Variants in KIF1B observed in about 807,000 individuals in gnomAD.
KIF1B encodes kinesin family member 1B, also known as kinesin-like protein KIF1B.
In KIF1B, 76 loss-of-function variants were observed where a neutral mutation model predicts 241.9. The ratio of observed to expected loss-of-function variants is 0.31; its 90% CI spans 0.26 to 0.38. KIF1B has a LOEUF of 0.38. Among genes scored for constraint, KIF1B ranks in the 10% least tolerant of loss-of-function variants. The pLI is 1.00. For missense variants in KIF1B, 1,622 were observed against 2,271.4 expected, an observed-to-expected ratio of 0.71 and a Z score of 5.81; for synonymous variants, 750 against 796.7, an observed-to-expected ratio of 0.94 and a Z score of 0.99.
At chr1:10,328,184 A>G (rs1651791725) in intron 27 of KIF1B, among the ~76,000 whole-genome samples, 1 of 152,128 alleles carries the variant, frequency 6.6e-6, no homozygotes, top group Non-Finnish European at 1.5e-5. Flanking sequence ...GCAAGACCCC[A>G]AGTCTACCAA....
Position 10,352,627 on chromosome 1 carries a change from T to G in KIF1B, c.3950-4T>G. 1.2e-6 allele frequency: 2 copies of G among 1,610,968 alleles called. No individual in the cohort carries two copies. The highest frequency in any genetic ancestry group is 1.1e-5 in the South Asian group (1 of 91,012). On this transcript the variant is annotated splice_region_variant and splice_polypyrimidine_tract_variant and intron_variant, in intron 37 of 48. Transcript: ENST00000676179. ...TGCTCTGTTTTTTTTATCCTTTCTT[T>G]TAGGTCGTATTCGGAATAAGCCTGA...
intron 22 of KIF1B, among the ~76,000 whole-genome samples, chr1:10,319,692 T>C (rs1398416880): frequency 6.6e-6 from 1 of 152,216 alleles, no homozygotes; most frequent in Non-Finnish European, 1.5e-5. Flanking sequence ...ATATAAGATA[T>C]TACTTGAATA....
chr1:10,248,198 T>C (rs948928365), intron 2 of KIF1B, among the ~76,000 whole-genome samples: 2 of 152,076 alleles, frequency 1.3e-5, no homozygotes, highest in Admixed American at 1.3e-4. Flanking sequence ...ATTTTGTTGT[T>C]GTTGTTGTTG....
intron 34 of KIF1B, among the ~76,000 whole-genome samples, chr1:10,343,697 G>A (rs1487601337): frequency 6.6e-6 from 1 of 152,172 alleles, no homozygotes; most frequent in Non-Finnish European, 1.5e-5. Flanking sequence ...GGTGGAGGTT[G>A]CAGTGAGCTG....
chr1:10,249,479 T>TA (rs1379642043), intron 2 of KIF1B, among the ~76,000 whole-genome samples: 1 of 152,214 alleles, frequency 6.6e-6, no homozygotes, highest in African/African-American at 2.4e-5. Context: ...GTCCTTGGTA[T>TA]AGGGCAGTAT....
intron 22 of KIF1B, among the ~76,000 whole-genome samples, chr1:10,315,209 T>A (rs1472104463): frequency 7.5e-6 from 1 of 132,672 alleles, no homozygotes; most frequent in Admixed American, 8.1e-5. Context: ...AGACGGAGTC[T>A]CACTCTGTTG....
chr1:10,307,243 T>C (rs1392235590), intron 22 of KIF1B: 1 of 1,023,382 alleles, frequency 9.8e-7, no homozygotes, highest in Non-Finnish European at 1.2e-6. Flanking sequence ...TTGAGTCTCT[T>C]ACTAAATAAG....
At chr1:10,312,913 G>GTATT (rs1443988784) in intron 22 of KIF1B, among the ~76,000 whole-genome samples, 11 of 151,584 alleles carry the variant, frequency 7.3e-5, no homozygotes, top group Non-Finnish European at 1.6e-4. Flanking sequence ...AGCACAAAAG[G>GTATT]TATTTGCTGA....
intron 17 of KIF1B, among the ~76,000 whole-genome samples, chr1:10,294,845 G>T (rs1199423056): frequency 1.3e-5 from 2 of 152,282 alleles, no homozygotes; most frequent in Non-Finnish European, 2.9e-5. Context: ...TCTAGACAGA[G>T]CGAGACTCTG....
rs548680591 is a variant in KIF1B at position 10,380,705 on chromosome 1, CA to C, written c.*4127del. ...TGGGTGACAAAGCAGGACTCCGTCT[CA>C]AAAAAAAAGAAAAGATTCATGATGC... On this transcript the variant is annotated 3_prime_UTR_variant, in exon 49 of 49. Transcript: ENST00000676179. The C allele has an allele frequency of 2.3e-4, 47 of 203,016 alleles. No homozygotes were observed. The highest frequency in any genetic ancestry group is 3.8e-4 in the East Asian group (5 of 13,328). The allele number at this position is 203,016 out of a possible 1,614,324, so 12.6% of individuals were successfully genotyped here. A position where few individuals can be genotyped will look rare whatever the true frequency, so the allele number is the denominator to read the frequency against.
intron 32 of KIF1B, 125 bp downstream of exon 32, chr1:10,339,984 G>C: frequency 1.2e-6 from 1 of 820,946 alleles, no homozygotes; most frequent in Non-Finnish European, 2.1e-6. Context: ...GACAATAGAG[G>C]GCGTGGCTAG....
chr1:10,255,044 G>A (rs12137456), intron 2 of KIF1B, among the ~76,000 whole-genome samples: 40,381 of 151,774 alleles, frequency 0.27, 5,574 homozygotes, highest in Admixed American at 0.32. Flanking sequence ...TGCCTCCCGG[G>A]TTCAAGTGAT....
intron 31 of KIF1B, 61 bp from the exon 32 acceptor site, chr1:10,339,708 A>C: frequency 2.1e-6 from 3 of 1,404,318 alleles, no homozygotes; most frequent in Non-Finnish European, 3.0e-6. Context: ...GGCTCTTGAA[A>C]GAGATTCTGA....
At chr1:10,265,388 C>T (rs1466702068) in intron 5 of KIF1B, among the ~76,000 whole-genome samples, 1 of 152,070 alleles carries the variant, frequency 6.6e-6, no homozygotes, top group Non-Finnish European at 1.5e-5. Context: ...GCACACACTA[C>T]CATGCCTGGC....
intron 2 of KIF1B, among the ~76,000 whole-genome samples, chr1:10,242,623 TCTC>T (rs1647153245): frequency 6.6e-6 from 1 of 151,970 alleles, no homozygotes; most frequent in Admixed American, 6.6e-5. Context: ...TTCAAACAAT[TCTC>T]CTGCCTAAGC....
chr1:10,371,944 A>T (rs1262104685), intron 45 of KIF1B, among the ~76,000 whole-genome samples: 1 of 152,144 alleles, frequency 6.6e-6, no homozygotes, highest in African/African-American at 2.4e-5. Context: ...CCTAAAAAAA[A>T]TAAAAAAAAG....
At chr1:10,327,230 G>A (rs1651758114) in intron 27 of KIF1B, among the ~76,000 whole-genome samples, 1 of 152,018 alleles carries the variant, frequency 6.6e-6, no homozygotes, top group African/African-American at 2.4e-5. Context: ...GCTGGGTGTG[G>A]TGGCTCACGT....
intron 9 of KIF1B, 89 bp from the exon 10 acceptor site, chr1:10,272,925 T>C: frequency 9.3e-7 from 1 of 1,080,938 alleles, no homozygotes; most frequent in African/African-American, 1.6e-5. Context: ...AATCATAATC[T>C]ATGACATGAA....
At chr1:10,351,716 A>G (rs1652799516) in intron 37 of KIF1B, among the ~76,000 whole-genome samples, 1 of 152,218 alleles carries the variant, frequency 6.6e-6, no homozygotes, top group Non-Finnish European at 1.5e-5. Context: ...CTGTAATCCC[A>G]GCACTTTGGG....
Sources: allele counts gnomAD v4.1 joint callset (sites outside exome capture counted in the v4.1 genomes callset), GRCh38; gene constraint gnomAD v4.1.1; transcripts MANE v1.5; gene names NCBI Gene and HGNC (gene_info 2026-07-23, HGNC 2026-07-21).